The following MRC2 variants were observed in gnomAD, a reference collection of about 807,000 sequenced individuals.
The protein encoded by MRC2 is C-type mannose receptor 2.
Under a neutral mutation model 206.2 loss-of-function variants are expected in MRC2, and 84 were observed. The ratio of observed to expected loss-of-function variants is 0.41; its 90% CI spans 0.34 to 0.49. The LOEUF is 0.49. Ranked by LOEUF, MRC2 falls within the 20% of genes least tolerant of loss-of-function variation. MRC2 has a pLI of 0.31. For missense variants in MRC2, 1,676 were observed against 2,001.5 expected (o/e 0.84, Z 3.10); for synonymous variants, 798 against 800.0 (o/e 1.00, Z 0.04).
At chr17:62,632,331 C>A (rs1011743939) in intron 1 of MRC2, among the ~76,000 whole-genome samples, 2 of 152,144 alleles carry the variant, frequency 1.3e-5, no homozygotes, top group African/African-American at 4.8e-5. Context: ...CCTGGCCCCT[C>A]GTCTCTCCTT....
intron 1 of MRC2, among the ~76,000 whole-genome samples, chr17:62,635,191 C>CTTTTTTTTTTTTT (rs35446845): frequency 2.0e-5 from 2 of 101,762 alleles, no homozygotes; most frequent in Admixed American, 1.1e-4. Flanking sequence ...CTATTTTTCT[C>CTTTTTTTTTTTTT]TTTTTTTTTT....
rs2089134449 is a variant in MRC2 at position 62,693,400 on chromosome 17, T to TC, written c.*951dup. 1 of 152,436 alleles carries TC rather than the reference T, an allele frequency of 6.6e-6. No homozygotes were observed. The highest frequency in any genetic ancestry group is 2.1e-4 in the South Asian group (1 of 4,822). The allele number at this position is 152,436 out of a possible 1,614,324, so 9.4% of individuals were successfully genotyped here. On this transcript the variant is annotated 3_prime_UTR_variant, in exon 30 of 30. Transcript: ENST00000303375. Reference sequence around the variant, plus strand: ...GAGCCCTGGAGTGGCCCAGTACCCTTCCAAGAGGCCACAGTCCCAGCCAGG... The same window carrying TC: ...GAGCCCTGGAGTGGCCCAGTACCCTTCCCAAGAGGCCACAGTCCCAGCCAGG...
intron 1 of MRC2, 145 bp downstream of exon 1, chr17:62,628,065 C>T: frequency 1.9e-6 from 1 of 529,202 alleles, no homozygotes; most frequent in African/African-American, 2.0e-5. Context: ...TTTTAAAACT[C>T]GTCTCCGCTT....
In MRC2 at chr17:62,675,765, C is replaced by T; in HGVS notation, c.1570-25C>T. The T allele has an allele frequency of 6.4e-7, 1 of 1,572,954 alleles. No individual in the cohort carries two copies. Among genetic ancestry groups the T allele is most frequent in the South Asian group, 1.1e-5 (1 of 90,206 alleles). On this transcript the variant is annotated intron_variant, in intron 9 of 29. Coordinates refer to ENST00000303375, the MANE Select transcript of MRC2 (RefSeq NM_006039.5). This position sits in a 1 kb window ranked among gnomAD's most constrained non-coding sequence, Gnocchi z 4.1. ...GAGAGTCATCTTCCCTACAGACACC[C>T]CTCTTCTGTCCACTCTTGAGCCAGG...
intron 1 of MRC2, among the ~76,000 whole-genome samples, chr17:62,651,208 C>G (rs2088552003): frequency 6.6e-6 from 1 of 151,524 alleles, no homozygotes; most frequent in Non-Finnish European, 1.5e-5. Context: ...CTCAGCCTCC[C>G]AAGTAGCTGG....
At position 62,667,411 on chromosome 17, in the gene MRC2, A is replaced by C; in HGVS notation, c.995A>C (p.Glu332Ala). The C allele has an allele frequency of 2.5e-6, 4 of 1,608,184 alleles. No individual in the cohort carries two copies. The highest frequency in any genetic ancestry group is 3.4e-6 in the Non-Finnish European group (4 of 1,178,300). The change falls in exon 6 of 30, where the codon GAG becomes GCG. Residue 332 changes from glutamate to alanine, a missense_variant. By Grantham distance (107) the Glu-to-Ala change is moderately radical. Transcript: ENST00000303375. This position sits in a 1 kb window ranked among gnomAD's most constrained non-coding sequence, Gnocchi z 4.1. ...WESDQPDNPSEENCGVIRTES... is the reference protein window; with the variant it reads ...WESDQPDNPSAENCGVIRTES... Reference sequence around the variant, plus strand: ...ACAGACCAGCCGGACAACCCCAGTGAGGAGAACTGTGGAGTGATCCGCACT... The same window carrying C: ...ACAGACCAGCCGGACAACCCCAGTGCGGAGAACTGTGGAGTGATCCGCACT...
At chr17:62,670,467 C>A (rs1340929193) in intron 6 of MRC2, among the ~76,000 whole-genome samples, 1 of 152,256 alleles carries the variant, frequency 6.6e-6, no homozygotes, top group Admixed American at 6.5e-5. Context: ...CCACTGGAAT[C>A]CCAGTCTGAG....
chr17:62,666,022 CT>C lies in MRC2; in HGVS notation c.521-71del. 2 of 1,476,048 alleles carry C rather than the reference CT, an allele frequency of 1.4e-6. No individual in the cohort carries two copies. Among genetic ancestry groups the C allele is most frequent in the South Asian group, 2.7e-5 (2 of 75,368 alleles). The allele number at this position is 1,476,048 out of a possible 1,614,324, so 91.4% of individuals were successfully genotyped here. On this transcript the variant is annotated intron_variant, in intron 2 of 29. Transcript: ENST00000303375. The surrounding 1 kb of genome is among the most constrained non-coding windows in gnomAD (Gnocchi z 5.0). ...CACTCTGGGTTTTAGGGGATTTCTC[CT>C]GAGGGTCGAGGGGCTTGGCAGCCTC...
chr17:62,635,755 G>C (rs2088305759), intron 1 of MRC2, among the ~76,000 whole-genome samples: 1 of 151,980 alleles, frequency 6.6e-6, no homozygotes, highest in South Asian at 2.1e-4. Flanking sequence ...TTTGAGACCA[G>C]CTGGGGCAAC....
Position 62,675,885 on chromosome 17 carries a change from G to A in MRC2, c.1665G>A (p.Gln555=), listed in dbSNP as rs1326182609. The A allele has an allele frequency of 1.2e-6, 2 of 1,614,082 alleles. No homozygotes were observed. Among genetic ancestry groups the A allele is most frequent in the Admixed American group, 3.3e-5 (2 of 60,034 alleles). The change falls in exon 10 of 30, where the codon CAG becomes CAA. Residue 555 remains glutamine (Q), a synonymous_variant. Transcript: ENST00000303375. This position sits in a 1 kb window ranked among gnomAD's most constrained non-coding sequence, Gnocchi z 4.1. Reference sequence around the variant, plus strand: ...GCCTGTGCACTGACCATGGCTCTCAGCTGGTCACCATCACCAACAGGTACA... The same window carrying A: ...GCCTGTGCACTGACCATGGCTCTCAACTGGTCACCATCACCAACAGGTACA... The part of the protein sequence containing the change: ...ARRLCTDHGS[Q]LVTITNRFEQ...
intron 1 of MRC2, among the ~76,000 whole-genome samples, chr17:62,632,528 A>G (rs2088256796): frequency 6.6e-6 from 1 of 152,130 alleles, no homozygotes; most frequent in African/African-American, 2.4e-5. Context: ...CCGGCCCCCC[A>G]TGCCTCTGGT....
At chr17:62,684,344 A>G (rs1342539419) in intron 20 of MRC2, among the ~76,000 whole-genome samples, 5 of 152,182 alleles carry the variant, frequency 3.3e-5, no homozygotes, top group Non-Finnish European at 7.3e-5. Context: ...GACGCTGAGC[A>G]CTGGGAGGAT....
chr17:62,644,425 TAAAA>T (rs972958558), intron 1 of MRC2, among the ~76,000 whole-genome samples: 3 of 149,700 alleles, frequency 2.0e-5, no homozygotes, highest in Non-Finnish European at 3.0e-5. Context: ...TCTGGAAAAA[TAAAA>T]AAACATGTCT....
chr17:62,663,365 A>C (rs1487810422), intron 1 of MRC2, among the ~76,000 whole-genome samples: 1 of 152,068 alleles, frequency 6.6e-6, no homozygotes, highest in Admixed American at 6.6e-5. Flanking sequence ...CCCATTTAAA[A>C]CATATATTTA....
intron 6 of MRC2, among the ~76,000 whole-genome samples, chr17:62,670,475 G>A (rs1470873363): frequency 6.6e-6 from 1 of 152,258 alleles, no homozygotes; most frequent in African/African-American, 2.4e-5. Context: ...ATCCCAGTCT[G>A]AGGCCGTGTT....
intron 1 of MRC2, among the ~76,000 whole-genome samples, chr17:62,659,158 G>A (rs148112288): frequency 2.7e-4 from 41 of 152,172 alleles, no homozygotes; most frequent in African/African-American, 9.4e-4. Flanking sequence ...TTATTAGGAC[G>A]CTCATCCTAT....
At position 62,680,069 on chromosome 17, in the gene MRC2, A is replaced by G; in HGVS notation, c.2299-101A>G. ...AGGGGTCACCCGGCCCCCGGTGAGA[A>G]TTCGCAGCTCAGGCCAGGCCTCTTG... On this transcript the variant is annotated intron_variant, in intron 14 of 29. Coordinates refer to ENST00000303375, the MANE Select transcript of MRC2 (RefSeq NM_006039.5). This position sits in a 1 kb window ranked among gnomAD's most constrained non-coding sequence, Gnocchi z 4.8. 6.4e-7 allele frequency: 1 copy of G among 1,560,666 alleles called. No homozygotes were observed. The highest frequency in any genetic ancestry group is 1.2e-5 in the South Asian group (1 of 84,238).
chr17:62,657,040 A>G (rs931197557), intron 1 of MRC2, among the ~76,000 whole-genome samples: 1 of 152,212 alleles, frequency 6.6e-6, no homozygotes, highest in African/African-American at 2.4e-5. Flanking sequence ...TATGTGCCCC[A>G]TCACTGTGGC....
chr17:62,680,982 G>A lies in MRC2; in HGVS notation c.2634+22G>A. On this transcript the variant is annotated intron_variant, in intron 17 of 29. Coordinates refer to ENST00000303375, the MANE Select transcript of MRC2 (RefSeq NM_006039.5). The surrounding 1 kb of genome is among the most constrained non-coding windows in gnomAD (Gnocchi z 4.8). ...GAAGGTGGGCATTGGATTGAGCAGG[G>A]GGCTGCAGGCTGGGGGAGGGCAGGC... 1 of 1,612,104 alleles carries A rather than the reference G, an allele frequency of 6.2e-7. No homozygotes were observed. The highest frequency in any genetic ancestry group is 2.2e-5 in the East Asian group (1 of 44,854).
Sources: gnomAD v4.1 joint callset for allele counts (sites outside exome capture counted in the v4.1 genomes callset) on GRCh38, gnomAD v4.1.1 for gene constraint, Gnocchi (gnomAD v3.1) non-coding constraint, MANE v1.5 for transcripts, NCBI Gene and HGNC (gene_info 2026-07-23, HGNC 2026-07-21) for gene names.